The following CD72 variants were observed in gnomAD, a reference collection of about 807,000 sequenced individuals.
The protein encoded by CD72 is B-cell differentiation antigen CD72.
A neutral mutation model predicts 50.7 loss-of-function variants in CD72; 28 were observed. That is an observed-to-expected ratio of 0.55 (90% CI 0.41 to 0.76). The LOEUF (loss-of-function observed/expected upper bound fraction) is 0.76. Ranked by LOEUF, CD72 falls within the 30% of genes least tolerant of loss-of-function variation. The pLI is 0.00. For synonymous variants in CD72, 176 were observed against 171.2 expected, an observed-to-expected ratio of 1.03 and a Z score of -0.22; for missense variants, 403 against 420.6, an observed-to-expected ratio of 0.96 and a Z score of 0.37.
intron 7 of CD72, 88 bp downstream of exon 7, chr9:35,611,716 G>C (rs916192941): frequency 1.3e-6 from 1 of 747,820 alleles, no homozygotes; most frequent in East Asian, 2.5e-5. Flanking sequence ...GAGTCCTGAG[G>C]GGACCAGGTG....
chr9:35,641,695 A>G (rs1437470780), intron 1 of CD72, among the ~76,000 whole-genome samples: 2 of 152,072 alleles, frequency 1.3e-5, no homozygotes, highest in East Asian at 1.9e-4. Flanking sequence ...GGGTCCTTCT[A>G]TAAGCATTTC....
intron 7 of CD72, among the ~76,000 whole-genome samples, chr9:35,611,190 G>A (rs1306685569): frequency 2.0e-5 from 3 of 151,778 alleles, no homozygotes; most frequent in Admixed American, 2.0e-4. Context: ...GGCGGAGCTT[G>A]CAGTGAGCTG....
chr9:35,630,192 T>A (rs1179974181), intron 1 of CD72, among the ~76,000 whole-genome samples: 1 of 151,936 alleles, frequency 6.6e-6, no homozygotes, highest in Non-Finnish European at 1.5e-5. Flanking sequence ...GCATGTGCCA[T>A]CACGCCCGGC....
intron 1 of CD72, among the ~76,000 whole-genome samples, chr9:35,640,668 C>T (rs1358484823): frequency 1.3e-5 from 2 of 152,198 alleles, no homozygotes; most frequent in Non-Finnish European, 2.9e-5. Context: ...TGGGAGTCAG[C>T]GGCAGGTCTG....
In CD72 at chr9:35,610,651, C is replaced by T. The variant is rs1822965823; in HGVS notation, c.1053G>A (p.Glu351=). Residue 351 remains glutamate (E), a synonymous_variant, in exon 8 of 9, where the codon GAG becomes GAA. Transcript: ENST00000259633. The part of the protein sequence containing the change: ...SCRSSLPYIC[E]MTAFRFPD ...AATCTGGAAACCTGAAAGCTGTCATCTCACAGATGTAGGGAAGAGAACTTC... is the reference window on the plus strand; with the variant it reads ...AATCTGGAAACCTGAAAGCTGTCATTTCACAGATGTAGGGAAGAGAACTTC... 3 of 1,614,076 alleles carry T rather than the reference C, an allele frequency of 1.9e-6. No homozygotes were observed. Among genetic ancestry groups the T allele is most frequent in the Non-Finnish European group, 2.5e-6 (3 of 1,179,946 alleles).
At chr9:35,621,421 C>A (rs1057024632), upstream of CD72, among the ~76,000 whole-genome samples, 7 of 152,220 alleles carry the variant, frequency 4.6e-5, no homozygotes, top group Non-Finnish European at 1.0e-4. Context: ...ACATCGGGAG[C>A]ATCTCCTAAG....
At chr9:35,623,886 C>A (rs113346844), upstream of CD72, among the ~76,000 whole-genome samples, 3,181 of 151,928 alleles carry the variant, frequency 0.021, 70 homozygotes, top group African/African-American at 0.049. Context: ...TGCACTCCAG[C>A]CTGGGTGACA....
chr9:35,612,943 T>C lies in CD72; in HGVS notation c.739A>G (p.Ile247Val). 3 of 1,614,020 alleles carry C rather than the reference T, an allele frequency of 1.9e-6. No homozygotes were observed. The highest frequency in any genetic ancestry group is 2.5e-6 in the Non-Finnish European group (3 of 1,179,902). The change falls in exon 6 of 9, where the codon ATC becomes GTC. Residue 247 changes from isoleucine to valine, a missense_variant. Coordinates refer to ENST00000259633, the MANE Select transcript of CD72 (RefSeq NM_001782.3). ...TGCCAATTTTTTGAAGTAAGTGAGA[T>C]GTAAAAGCAGCTTTTCTGATGCATT... ...WIMHQKSCFY[I>V]SLTSKNWQES...
chr9:35,611,951 A>G, intron 6 of CD72, 32 bp from the exon 7 acceptor site: 2 of 1,114,818 alleles, frequency 1.8e-6, no homozygotes, highest in South Asian at 1.2e-5. Context: ...CCAGAGATAC[A>G]TGGAGAGTGA....
At position 35,617,378 on chromosome 9, in the gene CD72, GAC is replaced by G. The variant is rs1823082790; in HGVS notation, c.191-133_191-132del. On this transcript the variant is annotated intron_variant, in intron 2 of 8. Transcript: ENST00000259633. ...ACGTTGCCTGCTAGAGCTGCTCTGG[GAC>G]ACAGTGTCACTCTCCTGAGTTCCTC... 4 of 1,001,870 alleles carry G rather than the reference GAC, an allele frequency of 4.0e-6. No individual in the cohort carries two copies. In the South Asian group the frequency reaches 6.8e-5, roughly 17 times the overall value. 62.1% of individuals were successfully genotyped at this position (1,001,870 alleles called of 1,614,324 possible). A position where few individuals can be genotyped will look rare whatever the true frequency, so the allele number is the denominator to read the frequency against.
Position 35,612,945 on chromosome 9 carries a change from TA to T in CD72, c.736del (p.Tyr246ThrfsTer39). ...GWIMHQKSCF[Y>X]ISLTSKNWQE... ...CCAATTTTTTGAAGTAAGTGAGATG[TA>T]AAAGCAGCTTTTCTGATGCATTATC... On this transcript the variant is annotated frameshift_variant, in exon 6 of 9. Coordinates refer to ENST00000259633, the MANE Select transcript of CD72 (RefSeq NM_001782.3). LOFTEE classifies it high-confidence loss of function. 6.2e-7 allele frequency: 1 copy of T among 1,613,968 alleles called. No individual in the cohort carries two copies. The highest frequency in any genetic ancestry group is 8.5e-7 in the Non-Finnish European group (1 of 1,179,854).
intron 6 of CD72, among the ~76,000 whole-genome samples, chr9:35,612,576 C>T (rs1554648404): frequency 6.6e-6 from 1 of 150,682 alleles, no homozygotes; most frequent in Non-Finnish European, 1.5e-5. Flanking sequence ...CAGAGTGAGA[C>T]TCTGTCTCAA....
chr9:35,629,114 C>G (rs937927581), intron 1 of CD72, among the ~76,000 whole-genome samples: 5 of 152,040 alleles, frequency 3.3e-5, no homozygotes, highest in Non-Finnish European at 7.4e-5. Context: ...TGGGCTCAAG[C>G]AATCTTCCTG....
At chr9:35,617,959 C>T in intron 2 of CD72, 55 bp downstream of exon 2, 1 of 1,026,646 alleles carries the variant, frequency 9.7e-7, no homozygotes, top group South Asian at 1.3e-5. Context: ...ATTGTGGACT[C>T]CCCAGCTCAA....
intron 1 of CD72, among the ~76,000 whole-genome samples, chr9:35,638,991 C>T (rs1056443750): frequency 2.6e-5 from 4 of 152,088 alleles, no homozygotes; most frequent in African/African-American, 9.6e-5. Flanking sequence ...CTTTACCGCC[C>T]TAGACCCAGA....
At chr9:35,620,656 T>C (rs1262180788), upstream of CD72, among the ~76,000 whole-genome samples, 1 of 151,800 alleles carries the variant, frequency 6.6e-6, no homozygotes, top group Non-Finnish European at 1.5e-5. Context: ...CATGGTGAAA[T>C]CCCATCTGTA....
At chr9:35,625,301 TAGA>T (rs1823186431) in intron 1 of CD72, among the ~76,000 whole-genome samples, 1 of 152,198 alleles carries the variant, frequency 6.6e-6, no homozygotes, top group Non-Finnish European at 1.5e-5. Context: ...GTGGTCTGGA[TAGA>T]AGATCAAACC....
upstream of CD72, among the ~76,000 whole-genome samples, chr9:35,621,499 A>C (rs1303836027): frequency 6.6e-6 from 1 of 152,232 alleles, no homozygotes; most frequent in Non-Finnish European, 1.5e-5. Context: ...GCCCTAGTTT[A>C]CTGACAGGGT....
intron 2 of CD72, 35 bp downstream of exon 2, chr9:35,617,979 C>T: frequency 8.0e-7 from 1 of 1,245,144 alleles, no homozygotes. Flanking sequence ...AGACACAGCC[C>T]CCCAACAAAC....
Sources: gnomAD v4.1 joint callset for allele counts (sites outside exome capture counted in the v4.1 genomes callset) on GRCh38, gnomAD v4.1.1 for gene constraint, MANE v1.5 for transcripts, NCBI Gene and HGNC (gene_info 2026-07-23, HGNC 2026-07-21) for gene names.